Variants in NELFE observed in about 807,000 individuals in gnomAD.
NELFE encodes negative elongation factor complex member E.
NELFE carries 26 observed loss-of-function variants against 55.5 expected under a neutral mutation model. That is an observed-to-expected ratio of 0.47 (90% CI 0.34 to 0.65). The LOEUF is 0.65. Ranked by LOEUF, NELFE falls within the 30% of genes least tolerant of loss-of-function variation. The pLI, the probability that NELFE is intolerant of heterozygous loss-of-function variation, is 0.01. For missense variants in NELFE, 403 were observed against 506.9 expected (o/e 0.80, Z 1.97); for synonymous variants, 162 against 178.0 (o/e 0.91, Z 0.72).
intron 4 of NELFE, among the ~76,000 whole-genome samples, 155 bp from the exon 5 acceptor site, chr6:31,955,448 A>AT (rs72274522): frequency 0.052 from 6,434 of 122,718 alleles, 239 homozygotes; most frequent in African/African-American, 0.084. Context: ...GGTTTTACTT[A>AT]TTTTTTTTTT....
Position 31,952,158 on chromosome 6 carries a change from C to T in NELFE, c.*143G>A. On this transcript the variant is annotated 3_prime_UTR_variant, in exon 11 of 11. Transcript: ENST00000375429. The stretch of plus-strand genomic sequence containing the variant: ...GCCATGTTGTTACACTGAGATCAAA[C>T]CTGACAGCCGTTTTTAAAGGTTTAA... The T allele has an allele frequency of 6.8e-7, 1 of 1,467,336 alleles. No individual in the cohort carries two copies. Among genetic ancestry groups the T allele is most frequent in the Non-Finnish European group, 9.5e-7 (1 of 1,056,922 alleles). 90.9% of individuals were successfully genotyped at this position (1,467,336 alleles called of 1,614,324 possible).
rs955273015 is a variant in NELFE at position 31,954,272 on chromosome 6, T to C, written c.887+26A>G. On this transcript the variant is annotated intron_variant, in intron 8 of 10. Coordinates refer to ENST00000375429, the MANE Select transcript of NELFE (RefSeq NM_002904.6). The surrounding 1 kb of genome is among the most constrained non-coding windows in gnomAD (Gnocchi z 5.5). ...CACCCCAGGATTCTCCCAGGACTTCTCATCATGCCCTGTTGTCATCCTTAC... is the reference window on the plus strand; with the variant it reads ...CACCCCAGGATTCTCCCAGGACTTCCCATCATGCCCTGTTGTCATCCTTAC... The C allele has an allele frequency of 2.4e-5, 38 of 1,608,760 alleles. No individual in the cohort carries two copies. The highest frequency in any genetic ancestry group is 3.1e-5 in the Non-Finnish European group (37 of 1,177,198).
intron 2 of NELFE, 183 bp downstream of exon 2, chr6:31,958,189 A>G: frequency 1.6e-6 from 1 of 621,892 alleles, no homozygotes; most frequent in Admixed American, 2.8e-5. Context: ...GGCAAATTGC[A>G]TAGAAAAGAC....
intron 2 of NELFE, among the ~76,000 whole-genome samples, chr6:31,957,793 G>C (rs1218594610): frequency 6.6e-6 from 1 of 152,208 alleles, no homozygotes; most frequent in Non-Finnish European, 1.5e-5. Flanking sequence ...CATTTGAACA[G>C]GAGTGAAGAA....
chr6:31,953,184 C>T (rs1356995574), intron 10 of NELFE, among the ~76,000 whole-genome samples: 2 of 152,198 alleles, frequency 1.3e-5, no homozygotes, highest in Non-Finnish European at 2.9e-5. Context: ...TTAGGCTCAA[C>T]GTTAGCCTAA....
rs748700042 is a variant in NELFE, at chr6:31,954,348, G to A, written c.837C>T (p.Ala279=). ...CAATGATGTTTCCAAAAGGAGAGAA[G>A]GCCCCACGGAGAAGGGTGGGTGTCA... ...EDMTPTLLRG[A]FSPFGNIIDL... is the part of the protein sequence containing the mutation. The change falls in exon 8 of 11, where the codon GCC becomes GCT. Residue 279 remains alanine, a synonymous_variant. Transcript: ENST00000375429. The surrounding 1 kb of genome is among the most constrained non-coding windows in gnomAD (Gnocchi z 5.5). 6.2e-7 allele frequency: 1 copy of A among 1,613,752 alleles called. No homozygotes were observed. The highest frequency in any genetic ancestry group is 1.7e-5 in the Admixed American group (1 of 59,914).
intron 4 of NELFE, among the ~76,000 whole-genome samples, chr6:31,955,930 C>G (rs1772061204): frequency 6.7e-6 from 1 of 148,930 alleles, no homozygotes; most frequent in African/African-American, 2.5e-5. Flanking sequence ...CCACCACATT[C>G]TGCTAATTTT....
chr6:31,954,256 A>G lies in NELFE; in HGVS notation c.887+42T>C, dbSNP rs375375502. On this transcript the variant is annotated intron_variant, in intron 8 of 10. Transcript: ENST00000375429. The surrounding 1 kb of genome is among the most constrained non-coding windows in gnomAD (Gnocchi z 5.5). ...CTTCCCTCAGGTCTCACACCCCAGG[A>G]TTCTCCCAGGACTTCTCATCATGCC... 1.9e-6 allele frequency: 3 copies of G among 1,610,162 alleles called. No individual in the cohort carries two copies. Among genetic ancestry groups the G allele is most frequent in the Non-Finnish European group, 2.5e-6 (3 of 1,177,810 alleles).
At chr6:31,952,489 T>G in intron 10 of NELFE, 91 bp from the exon 11 acceptor site, 1 of 905,146 alleles carries the variant, frequency 1.1e-6, no homozygotes, top group South Asian at 1.7e-5. Context: ...TCCTGGCCAC[T>G]GGCCCCTGGA....
intron 3 of NELFE, 21 bp downstream of exon 3, chr6:31,956,920 C>T (rs1772121454): frequency 2.5e-6 from 4 of 1,611,994 alleles, no homozygotes; most frequent in African/African-American, 2.7e-5. Context: ...CCAGTCCATC[C>T]CCATTTCCCC....
At chr6:31,955,140 G>A (rs780543439) in intron 5 of NELFE, 44 bp from the exon 6 acceptor site, 6 of 1,612,522 alleles carry the variant, frequency 3.7e-6, no homozygotes, top group Non-Finnish European at 3.4e-6. Flanking sequence ...TCCAGTTGCT[G>A]ACATGTGGTC....
chr6:31,958,574 C>T, intron 1 of NELFE, 120 bp from the exon 2 acceptor site: 1 of 836,348 alleles, frequency 1.2e-6, no homozygotes, highest in South Asian at 1.3e-5. Context: ...CTTTGGCTTT[C>T]CCTACCCCTT....
chr6:31,954,731 T>C lies in NELFE; in HGVS notation c.566A>G (p.Asp189Gly). Residue 189 changes from aspartate (D) to glycine (G), a missense_variant, in exon 7 of 11, where the codon GAC (aspartate) becomes GGC (glycine). Physicochemically the swap from Asp to Gly is moderately conservative, Grantham distance 94. Around this residue, in one of 3 missense-constraint regions of NELFE, gnomAD observed 229 missense variants for 228.3 expected, o/e 1.00. Transcript: ENST00000375429. The surrounding 1 kb of genome is among the most constrained non-coding windows in gnomAD (Gnocchi z 5.5). ...SASPPRSRSR[D>G]RSHERNRDRD... ...GTCCCGGTTCCTCTCATGGCTGCGG[T>C]CCCGGCTGCGGCTTCGGGGAGGGGA... 1 of 1,613,912 alleles carries C rather than the reference T, an allele frequency of 6.2e-7. No individual in the cohort carries two copies. The highest frequency in any genetic ancestry group is 8.5e-7 in the Non-Finnish European group (1 of 1,179,990).
In NELFE at chr6:31,954,919, A is replaced by AG. The variant is rs1288956172; in HGVS notation, c.405-28dup. On this transcript the variant is annotated intron_variant, in intron 6 of 10. Coordinates refer to ENST00000375429, the MANE Select transcript of NELFE (RefSeq NM_002904.6). This position sits in a 1 kb window ranked among gnomAD's most constrained non-coding sequence, Gnocchi z 5.5. The stretch of plus-strand genomic sequence containing the variant: ...TGGGGAGATGCAGACTGAAGATCAA[A>AG]GGGGGGTTTTACCTTCTCCCCTCAG... The AG allele has an allele frequency of 1.3e-6, 2 of 1,578,664 alleles. No homozygotes were observed. The highest frequency in any genetic ancestry group is 1.2e-5 in the South Asian group (1 of 86,268).
chr6:31,953,698 G>A (rs2072632), intron 10 of NELFE, 31 bp downstream of exon 10: 485,537 of 1,554,192 alleles, frequency 0.31, 80,510 homozygotes, highest in Middle Eastern at 0.37. Context: ...CTGTGGGGGA[G>A]AGGATGGGAA....
Position 31,958,883 on chromosome 6 carries a change from G to A in NELFE, c.-9+9C>T. On this transcript the variant is annotated intron_variant, in intron 1 of 10. Transcript: ENST00000375429. ...AAAGGGCCGAAGAGTGAGAAGCAGA[G>A]GGCCTTACCCGAGGGGGCGGCAACC... The A allele has an allele frequency of 1.7e-6, 1 of 597,514 alleles. No homozygotes were observed. The highest frequency in any genetic ancestry group is 3.0e-6 in the Non-Finnish European group (1 of 337,044). The allele number at this position is 597,514 out of a possible 1,614,324, so 37.0% of individuals were successfully genotyped here.
chr6:31,956,853 G>A lies in NELFE; in HGVS notation c.146-15C>T. 1.2e-6 allele frequency: 2 copies of A among 1,613,054 alleles called. No homozygotes were observed. Among genetic ancestry groups the A allele is most frequent in the Non-Finnish European group, 1.7e-6 (2 of 1,180,040 alleles). On this transcript the variant is annotated splice_polypyrimidine_tract_variant and intron_variant, in intron 3 of 10. Coordinates refer to ENST00000375429, the MANE Select transcript of NELFE (RefSeq NM_002904.6). ...CTCTGATAGTGCTGGAGAGACAAGGGGAAGAGGCATTATGTTGGCCAAGCC... is the reference window on the plus strand; with the variant it reads ...CTCTGATAGTGCTGGAGAGACAAGGAGAAGAGGCATTATGTTGGCCAAGCC...
chr6:31,956,772 G>A lies in NELFE; in HGVS notation c.212C>T (p.Ser71Leu), dbSNP rs1772111445. Residue 71 changes from serine (S) to leucine (L), a missense_variant, in exon 4 of 11, where the codon TCA (serine) becomes TTA (leucine). Around this residue, in one of 3 missense-constraint regions of NELFE, gnomAD observed 97 missense variants for 155.3 expected, o/e 0.62. Transcript: ENST00000375429. ...ATEQAKQLVK[S>L]GAISAIKAET... is the part of the protein sequence containing the mutation. Reference sequence around the variant, plus strand: ...AGCCTTGATGGCACTGATGGCTCCTGACTTCACCAGCTGCTTTGCCTGCTC... The same window carrying A: ...AGCCTTGATGGCACTGATGGCTCCTAACTTCACCAGCTGCTTTGCCTGCTC... The A allele has an allele frequency of 6.2e-7, 1 of 1,612,946 alleles. No homozygotes were observed. Among genetic ancestry groups the A allele is most frequent in the African/African-American group, 1.3e-5 (1 of 74,912 alleles).
rs1029511889 is a variant in NELFE at position 31,953,994 on chromosome 6, C to G, written c.942+86G>C. The G allele has an allele frequency of 2.0e-6, 3 of 1,477,890 alleles. No homozygotes were observed. In the Admixed American group the frequency reaches 5.4e-5, roughly 26 times the overall value. The allele number at this position is 1,477,890 out of a possible 1,614,324, so 91.5% of individuals were successfully genotyped here. A position where few individuals can be genotyped will look rare whatever the true frequency, so the allele number is the denominator to read the frequency against. On this transcript the variant is annotated intron_variant, in intron 9 of 10. Coordinates refer to ENST00000375429, the MANE Select transcript of NELFE (RefSeq NM_002904.6). The stretch of plus-strand genomic sequence containing the variant: ...AGAGGCTTTCTTTATCAAGAGGAAC[C>G]AACTTCTTCCTGGCATCTAGTATTT...
Sources: gnomAD v4.1 joint callset for allele counts (sites outside exome capture counted in the v4.1 genomes callset) on GRCh38, gnomAD v4.1.1 for gene constraint, gnomAD v4.1.1 regional missense constraint, Gnocchi (gnomAD v3.1) non-coding constraint, MANE v1.5 for transcripts, NCBI Gene and HGNC (gene_info 2026-07-23, HGNC 2026-07-21) for gene names.